ZMYM2: variants seen among roughly 807,000 people sequenced by gnomAD.
ZMYM2 encodes the protein zinc finger MYM-type containing 2.
ZMYM2 carries 56 observed loss-of-function variants against 162.8 expected under a neutral mutation model. The ratio of observed to expected loss-of-function variants is 0.34; its 90% confidence interval spans 0.28 to 0.43. The LOEUF (loss-of-function observed/expected upper bound fraction) is 0.43. Among genes scored for constraint, ZMYM2 ranks in the 20% least tolerant of loss-of-function variants. ZMYM2 has a pLI of 1.00. For missense variants in ZMYM2, 1,275 were observed against 1,621.8 expected, an observed-to-expected ratio of 0.79 and a Z score of 3.67; for synonymous variants, 510 against 541.6, an observed-to-expected ratio of 0.94 and a Z score of 0.81.
chr13:20,011,689 C>T (rs1029832790), intron 6 of ZMYM2, among the ~76,000 whole-genome samples: 1 of 150,566 alleles, frequency 6.6e-6, no homozygotes, highest in Admixed American at 6.6e-5. Context: ...AAGCGATTCT[C>T]TTGCCTCAGC....
chr13:20,019,471 A>C (rs137868219), intron 6 of ZMYM2, 76 bp from the exon 7 acceptor site: 3 of 1,284,102 alleles, frequency 2.3e-6, no homozygotes, highest in Non-Finnish European at 3.2e-6. Context: ...CAACTTTTAC[A>C]TAATGCTTAT....
chr13:20,000,607 G>C (rs1462228704), intron 3 of ZMYM2, among the ~76,000 whole-genome samples: 1 of 152,214 alleles, frequency 6.6e-6, no homozygotes, highest in African/African-American at 2.4e-5. Flanking sequence ...TGTGTTTACA[G>C]CATGGTTTAC....
chr13:20,048,786 T>G (rs928386881), intron 12 of ZMYM2, among the ~76,000 whole-genome samples: 5 of 138,522 alleles, frequency 3.6e-5, no homozygotes, highest in South Asian at 4.9e-4. Flanking sequence ...TACTTAGATT[T>G]GTTTGAACCT....
chr13:20,026,514 A>T (rs960553012), intron 7 of ZMYM2, 98 bp from the exon 8 acceptor site: 1 of 1,198,342 alleles, frequency 8.3e-7, no homozygotes, highest in Non-Finnish European at 1.1e-6. Context: ...GATTAACAGG[A>T]TTGTTTTGCA....
chr13:20,087,708 A>C lies in ZMYM2; in HGVS notation c.*1694A>C, dbSNP rs1958351923. On this transcript the variant is annotated 3_prime_UTR_variant, in exon 25 of 25. Transcript: ENST00000610343. The stretch of plus-strand genomic sequence containing the variant: ...TCTAACTTGTTTTATAAGTTGAATG[A>C]CTTTTCAGTCCCTTGATTTTATATT... 1 of 186,154 alleles carries C rather than the reference A, an allele frequency of 5.4e-6. No individual in the cohort carries two copies. Among genetic ancestry groups the C allele is most frequent in the African/African-American group, 2.3e-5 (1 of 42,760 alleles). 11.5% of individuals were successfully genotyped at this position (186,154 alleles called of 1,614,324 possible).
chr13:19,906,536 A>G, the ZMYM2 span, among the ~76,000 whole-genome samples: 1 of 5,168 alleles, frequency 1.9e-4, no homozygotes, highest in Non-Finnish European at 1.8e-3. Context: ...ATATATATAT[A>G]TATTTTTTTT....
intron 9 of ZMYM2, among the ~76,000 whole-genome samples, chr13:20,030,773 A>G (rs1157979479): frequency 2.0e-5 from 3 of 152,082 alleles, no homozygotes; most frequent in African/African-American, 4.8e-5. Flanking sequence ...ACCTTGGGTG[A>G]TCTGCCCGCC....
At chr13:19,958,888 G>C (rs539739479) in intron 1 of ZMYM2, 47 bp downstream of exon 1, 1 of 152,648 alleles carries the variant, frequency 6.6e-6, no homozygotes, top group Non-Finnish European at 1.5e-5. Flanking sequence ...CGCCGAGAGT[G>C]GGGGTGGCTG....
intron 3 of ZMYM2, among the ~76,000 whole-genome samples, chr13:19,996,805 T>G (rs886807255): frequency 1.3e-5 from 2 of 152,176 alleles, no homozygotes; most frequent in African/African-American, 4.8e-5. Flanking sequence ...AAGGTTGTTT[T>G]AAGTCTGGGA....
the ZMYM2 span, among the ~76,000 whole-genome samples, chr13:19,892,421 A>G: frequency 2.0e-5 from 3 of 149,554 alleles, no homozygotes; most frequent in East Asian, 2.0e-4. Flanking sequence ...ACAGGCGCCC[A>G]CCGCCACGCC....
intron 6 of ZMYM2, among the ~76,000 whole-genome samples, chr13:20,013,355 TG>T (rs1445491449): frequency 6.6e-6 from 1 of 152,224 alleles, no homozygotes; most frequent in Non-Finnish European, 1.5e-5. Context: ...ATGAGTTTCT[TG>T]GTATTTTTCT....
intron 11 of ZMYM2, among the ~76,000 whole-genome samples, chr13:20,035,576 G>A (rs1468617826): frequency 6.6e-6 from 1 of 152,098 alleles, no homozygotes; most frequent in Non-Finnish European, 1.5e-5. Flanking sequence ...GCTCATATAT[G>A]TCATTAATTG....
the ZMYM2 span, among the ~76,000 whole-genome samples, chr13:19,893,092 A>G: frequency 4.6e-5 from 7 of 151,852 alleles, no homozygotes; most frequent in Non-Finnish European, 1.0e-4. Context: ...TTGTTTCTAC[A>G]TAATAATGTA....
At chr13:20,065,989 T>A (rs1160889860) in intron 19 of ZMYM2, among the ~76,000 whole-genome samples, 1 of 152,224 alleles carries the variant, frequency 6.6e-6, no homozygotes, top group East Asian at 1.9e-4. Context: ...ATTATTAGTT[T>A]ATTGTCTTAT....
chr13:19,965,432 A>G (rs1373052914), intron 2 of ZMYM2, among the ~76,000 whole-genome samples: 1 of 152,226 alleles, frequency 6.6e-6, no homozygotes, highest in Non-Finnish European at 1.5e-5. Flanking sequence ...ATCAAGTTGG[A>G]CTAGACAGAG....
chr13:19,922,008 G>T, the ZMYM2 span, among the ~76,000 whole-genome samples: 1 of 152,036 alleles, frequency 6.6e-6, no homozygotes, highest in South Asian at 2.1e-4. Flanking sequence ...CTGCCTCCCG[G>T]GTTCAAGTGT....
intron 2 of ZMYM2, among the ~76,000 whole-genome samples, chr13:19,972,719 A>G (rs987942751): frequency 1.3e-5 from 2 of 151,996 alleles, no homozygotes; most frequent in Admixed American, 6.6e-5. Flanking sequence ...GTCAGAGTAT[A>G]TGCATATTAT....
At position 19,971,569 on chromosome 13, in the gene ZMYM2, C is replaced by T. The variant is rs552213907; in HGVS notation, c.-11+11543C>T. ...ACAGGCATGAGTCACCATGCCCAGC[C>T]GATTCATTTTTAAGAAGTTCTTTAG... On this transcript the variant is annotated intron_variant, in intron 2 of 24. Coordinates refer to ENST00000610343, the MANE Select transcript of ZMYM2 (RefSeq NM_197968.4). Among the ~76,000 whole-genome samples, 59 of 151,740 alleles carry T rather than the reference C, an allele frequency of 3.9e-4. 1 individual carries two copies. The highest frequency in any genetic ancestry group is 3.4e-3 in the Middle Eastern group (1 of 292).
At chr13:20,064,378 A>G in intron 18 of ZMYM2, 73 bp from the exon 19 acceptor site, 1 of 1,295,956 alleles carries the variant, frequency 7.7e-7, no homozygotes, top group Middle Eastern at 2.5e-4. Flanking sequence ...TCCTGTGGTT[A>G]GTTCTTTGTT....
Sources: gnomAD v4.1 joint callset for allele counts (sites outside exome capture counted in the v4.1 genomes callset) on GRCh38, gnomAD v4.1.1 for gene constraint, MANE v1.5 for transcripts, NCBI Gene and HGNC (gene_info 2026-07-23, HGNC 2026-07-21) for gene names.